Variants in PCDH15 observed in about 807,000 individuals in gnomAD.
PCDH15 encodes protocadherin-15.
Under a neutral mutation model 178.5 loss-of-function variants are expected in PCDH15, and 129 were observed. The ratio of observed to expected loss-of-function variants is 0.72; its 90% CI spans 0.63 to 0.84. The LOEUF (loss-of-function observed/expected upper bound fraction) is 0.84, where lower values mean the gene tolerates loss of function less well. Among genes scored for constraint, PCDH15 ranks in the 40% least tolerant of loss-of-function variants. The probability of loss-of-function intolerance (pLI) is 0.00; values close to 1 mark genes in which losing one functional copy is unlikely to be tolerated. For missense variants in PCDH15, 2,230 were observed against 2,099.9 expected, an observed-to-expected ratio of 1.06 and a Z score of -1.21; for synonymous variants, 800 against 732.0, an observed-to-expected ratio of 1.09 and a Z score of -1.50.
At chr10:54,087,318 C>T (rs1021160816) in intron 16 of PCDH15, among the ~76,000 whole-genome samples, 21 of 152,174 alleles carry the variant, frequency 1.4e-4, no homozygotes, top group African/African-American at 4.6e-4. Flanking sequence ...TCCCACTCCT[C>T]ATTTTCAGGC....
intron 2 of PCDH15, among the ~76,000 whole-genome samples, chr10:55,430,635 A>G (rs1838860395): frequency 6.6e-6 from 1 of 152,158 alleles, no homozygotes; most frequent in African/African-American, 2.4e-5. Context: ...TTCTTTTTAG[A>G]AAATAAAGTG....
At chr10:53,839,714 T>G (rs1485265583) in intron 29 of PCDH15, among the ~76,000 whole-genome samples, 1 of 151,814 alleles carries the variant, frequency 6.6e-6, no homozygotes, top group African/African-American at 2.4e-5. Context: ...TCGAATAACA[T>G]CCAAAGAAAG....
chr10:55,204,834 C>T (rs899508891), intron 1 of PCDH15, among the ~76,000 whole-genome samples: 8 of 152,032 alleles, frequency 5.3e-5, no homozygotes, highest in Non-Finnish European at 1.2e-4. Context: ...GTGGTGAGTA[C>T]TATTATATCC....
intron 2 of PCDH15, among the ~76,000 whole-genome samples, chr10:54,533,449 TAG>T (rs1207382415): frequency 6.6e-6 from 1 of 152,066 alleles, no homozygotes; most frequent in African/African-American, 2.4e-5. Context: ...TATGAAAGAT[TAG>T]AGAGAGCTCA....
intron 17 of PCDH15, among the ~76,000 whole-genome samples, chr10:54,067,396 C>G (rs2094156161): frequency 6.6e-6 from 1 of 152,024 alleles, no homozygotes. Flanking sequence ...ACATTTAAAC[C>G]AAGAGTTTGA....
At chr10:54,753,372 C>T (rs1335813828) in intron 1 of PCDH15, among the ~76,000 whole-genome samples, 1 of 151,952 alleles carries the variant, frequency 6.6e-6, no homozygotes, top group Non-Finnish European at 1.5e-5. Context: ...TTAGCAGAGA[C>T]GGGGTTTCAC....
At chr10:54,741,493 G>T (rs879598941) in intron 1 of PCDH15, among the ~76,000 whole-genome samples, 3 of 151,864 alleles carry the variant, frequency 2.0e-5, no homozygotes, top group Non-Finnish European at 4.4e-5. Flanking sequence ...TGAAGAATGG[G>T]GTGGTAGATT....
In PCDH15 at chr10:54,023,108, G is replaced by A. The variant is rs777745189; in HGVS notation, c.2310C>T (p.Ser770=). Residue 770 remains serine (S), a synonymous_variant, in exon 19 of 38, where the codon AGC becomes AGT. Coordinates refer to ENST00000644397, the MANE Select transcript of PCDH15 (RefSeq NM_001384140.1). ...NNLFRITSNG[S]IYTAVKLNRE... ...TGTTAAGCTTCACTGCTGTGTAAATGCTCCCATTGGATGTGATACGAAAAA... is the reference window on the plus strand; with the variant it reads ...TGTTAAGCTTCACTGCTGTGTAAATACTCCCATTGGATGTGATACGAAAAA... The A allele has an allele frequency of 6.2e-7, 1 of 1,613,760 alleles. No homozygotes were observed. Among genetic ancestry groups the A allele is most frequent in the African/African-American group, 1.3e-5 (1 of 74,890 alleles).
Position 54,047,261 on chromosome 10 carries a change from C to G in PCDH15, c.2220+19496G>C, listed in dbSNP as rs751509639. 4.6e-5 allele frequency among the ~76,000 whole-genome samples: 7 copies of G among 151,794 alleles called. No homozygotes were observed. The South Asian group carries it at 1.5e-3, about 31-fold the overall frequency. ...ATGTAGTTTTTACGCCTGGGAAATG[C>G]CTTCATTATCTTTGCCTGTCCCATG... is the stretch of plus-strand genomic sequence containing the variant. On this transcript the variant is annotated intron_variant, in intron 18 of 37. Coordinates refer to ENST00000644397, the MANE Select transcript of PCDH15 (RefSeq NM_001384140.1).
chr10:55,117,972 A>C (rs1837668585), intron 2 of PCDH15, among the ~76,000 whole-genome samples: 1 of 152,144 alleles, frequency 6.6e-6, no homozygotes, highest in Admixed American at 6.5e-5. Flanking sequence ...CAGTTATGCA[A>C]ACGGAGGCCT....
chr10:54,930,224 G>T (rs7099707), intron 2 of PCDH15, among the ~76,000 whole-genome samples: 37,486 of 152,068 alleles, frequency 0.25, 5,428 homozygotes, highest in Non-Finnish European at 0.33. Context: ...GGGTGGGGTT[G>T]CAAGGTTCTT....
At chr10:53,813,655 CG>C (rs1179378280) in intron 35 of PCDH15, among the ~76,000 whole-genome samples, 1 of 152,130 alleles carries the variant, frequency 6.6e-6, no homozygotes, top group Non-Finnish European at 1.5e-5. Context: ...ACACATTATT[CG>C]TAACAGTCCC....
Position 53,827,487 on chromosome 10 carries a change from C to T in PCDH15, c.4273G>A (p.Ala1425Thr). 1 of 1,614,070 alleles carries T rather than the reference C, an allele frequency of 6.2e-7. No individual in the cohort carries two copies. The highest frequency in any genetic ancestry group is 1.3e-5 in the African/African-American group (1 of 75,050). ...GCCACTGGTGCAGGAGCCGGCACTG[C>T]TGGTTTAGCCGCGGGTAATGCGGCC... The part of the protein sequence containing the change: ...IQAALPAAKP[A>T]VPAPAPVAAP... Residue 1425 changes from alanine to threonine, a missense_variant, in exon 32 of 38, where the codon GCA becomes ACA. Physicochemically the swap from Ala to Thr is moderately conservative, Grantham distance 58. Transcript: ENST00000644397.
At chr10:55,112,685 G>C (rs1033851889) in intron 2 of PCDH15, among the ~76,000 whole-genome samples, 1 of 152,050 alleles carries the variant, frequency 6.6e-6, no homozygotes, top group Admixed American at 6.6e-5. Context: ...CCCATATGAC[G>C]ATCAGCATGT....
chr10:55,116,859 G>C (rs1349309088), intron 2 of PCDH15, among the ~76,000 whole-genome samples: 1 of 152,156 alleles, frequency 6.6e-6, no homozygotes, highest in Non-Finnish European at 1.5e-5. Flanking sequence ...CATTCCAGAA[G>C]TACTTTCCAC....
chr10:53,829,837 C>T (rs1389880126), intron 30 of PCDH15, among the ~76,000 whole-genome samples: 1 of 152,146 alleles, frequency 6.6e-6, no homozygotes, highest in Non-Finnish European at 1.5e-5. Context: ...GAAGGTCCTA[C>T]TTCTGTGTAA....
chr10:54,134,609 TTGGCG>T (rs917862968), intron 14 of PCDH15, among the ~76,000 whole-genome samples: 12 of 151,478 alleles, frequency 7.9e-5, no homozygotes, highest in Non-Finnish European at 1.6e-4. Flanking sequence ...AAAAATTAGC[TTGGCG>T]TGGTTGCGGG....
At chr10:54,200,126 T>C (rs973020154) in intron 10 of PCDH15, among the ~76,000 whole-genome samples, 1 of 152,082 alleles carries the variant, frequency 6.6e-6, no homozygotes, top group African/African-American at 2.4e-5. Context: ...TAATCTCTAA[T>C]ATGAAACCTT....
intron 2 of PCDH15, among the ~76,000 whole-genome samples, chr10:55,159,314 A>C (rs1470991453): frequency 1.3e-5 from 2 of 148,704 alleles, no homozygotes; most frequent in African/African-American, 5.0e-5. Context: ...ATATCTCTTC[A>C]AATTTCCTTT....
Sources: allele counts gnomAD v4.1 joint callset (sites outside exome capture counted in the v4.1 genomes callset), GRCh38; gene constraint gnomAD v4.1.1; transcripts MANE v1.5; gene names NCBI Gene and HGNC (gene_info 2026-07-23, HGNC 2026-07-21).